The following CD244 variants were observed in gnomAD, a reference collection of about 807,000 sequenced individuals.
CD244 encodes the protein natural killer cell receptor 2B4.
Under a neutral mutation model 45.5 loss-of-function variants are expected in CD244, and 20 were observed. That is an observed-to-expected ratio of 0.44 (90% CI 0.31 to 0.64). The LOEUF (loss-of-function observed/expected upper bound fraction) is 0.64. Ranked by LOEUF, CD244 falls within the 30% of genes least tolerant of loss-of-function variation. The pLI, the probability that CD244 is intolerant of heterozygous loss-of-function variation, is 0.08. For missense variants in CD244, 407 were observed against 426.9 expected (o/e 0.95, Z 0.41); for synonymous variants, 185 against 160.5 (o/e 1.15, Z -1.15).
Position 160,843,666 on chromosome 1 carries a change from C to A in CD244, c.62-1765G>T, listed in dbSNP as rs537819419. On this transcript the variant is annotated intron_variant, in intron 1 of 8. Transcript: ENST00000368034. ...AAAATCCAGGTTAAGACATGCTAAC[C>A]AATCCTCCCACTAAAAATAGCTAGA... 6.6e-5 allele frequency among the ~76,000 whole-genome samples: 10 copies of A among 152,304 alleles called. No individual in the cohort carries two copies. In the South Asian group the frequency reaches 1.0e-3, roughly 16 times the overall value.
At chr1:160,852,624 T>C (rs1375444373) in intron 1 of CD244, among the ~76,000 whole-genome samples, 2 of 152,208 alleles carry the variant, frequency 1.3e-5, no homozygotes, top group Non-Finnish European at 2.9e-5. Context: ...TTCTCATTTA[T>C]TGCTAGTGAG....
In CD244 at chr1:160,862,645, G is replaced by T. The variant is rs374829810; in HGVS notation, c.33C>A (p.Leu11=). The change falls in exon 1 of 9, where the codon CTC becomes CTA. Residue 11 remains leucine (L), a synonymous_variant. Transcript: ENST00000368034. MLGQVVTLIL[L]LLLKVYQGKG... The stretch of plus-strand genomic sequence containing the variant: ...TGCCCTGATACACCTTGAGGAGCAG[G>T]AGGAGTATGAGGGTGACCACTTGCC... 1.9e-6 allele frequency: 3 copies of T among 1,613,998 alleles called. No homozygotes were observed. The highest frequency in any genetic ancestry group is 1.3e-5 in the African/African-American group (1 of 74,928).
At chr1:160,862,516 T>G in intron 1 of CD244, 101 bp downstream of exon 1, 1 of 1,003,952 alleles carries the variant, frequency 1.0e-6, no homozygotes, top group Non-Finnish European at 1.5e-6. Flanking sequence ...AAGTTCCAGA[T>G]GACTGTGTAT....
intron 1 of CD244, among the ~76,000 whole-genome samples, chr1:160,843,335 G>A (rs952264117): frequency 6.6e-6 from 1 of 152,116 alleles, no homozygotes; most frequent in Non-Finnish European, 1.5e-5. Flanking sequence ...TGTCTCCTAC[G>A]ATCCTAGCAC....
Position 160,841,861 on chromosome 1 carries a change from T to C in CD244, c.102A>G (p.Gly34=), listed in dbSNP as rs1478926464. The C allele has an allele frequency of 1.9e-6, 3 of 1,614,046 alleles. No individual in the cohort carries two copies. In the East Asian group the frequency reaches 6.7e-5, roughly 36 times the overall value. The change falls in exon 2 of 9, where the codon GGA becomes GGG. Residue 34 remains glycine, a synonymous_variant. Coordinates refer to ENST00000368034, the MANE Select transcript of CD244 (RefSeq NM_016382.4). ...TGTTTGGTTGTAACTGAAGAGGCAC[T>C]CCCGAGATGCTAACCACATGGTCAG... ...GSADHVVSIS[G]VPLQLQPNSI...
chr1:160,841,989 A>G (rs1159278052), intron 1 of CD244, 88 bp from the exon 2 acceptor site: 30 of 1,083,174 alleles, frequency 2.8e-5, no homozygotes, highest in Middle Eastern at 2.7e-4. Flanking sequence ...CCTTAAGCCA[A>G]TTGGGTGGGG....
intron 1 of CD244, among the ~76,000 whole-genome samples, chr1:160,852,348 G>A (rs533914429): frequency 1.1e-3 from 170 of 152,212 alleles, no homozygotes; most frequent in Middle Eastern, 3.4e-3. Flanking sequence ...CCAGGAGTTC[G>A]AGGCCAGCCT....
chr1:160,855,463 C>T (rs4656937), intron 1 of CD244, among the ~76,000 whole-genome samples: 57,258 of 152,016 alleles, frequency 0.38, 11,360 homozygotes, highest in East Asian at 0.54. Context: ...AAAGCAGATA[C>T]GGTGAAAAGG....
intron 1 of CD244, among the ~76,000 whole-genome samples, chr1:160,850,314 A>G (rs1357180355): frequency 2.6e-5 from 4 of 152,176 alleles, no homozygotes; most frequent in Non-Finnish European, 5.9e-5. Context: ...ATTGCTGAGA[A>G]AAAATTAAAG....
At chr1:160,842,642 T>C (rs182327294) in intron 1 of CD244, among the ~76,000 whole-genome samples, 1 of 152,272 alleles carries the variant, frequency 6.6e-6, no homozygotes, top group East Asian at 1.9e-4. Flanking sequence ...TAATCCTCTC[T>C]CGTGGCACTT....
intron 5 of CD244, among the ~76,000 whole-genome samples, chr1:160,838,119 A>G (rs1240759908): frequency 5.3e-5 from 8 of 152,214 alleles, no homozygotes; most frequent in Non-Finnish European, 1.5e-5. Flanking sequence ...ACTCATTAGG[A>G]AAAAGAATTT....
chr1:160,834,517 A>G (rs1183001340), intron 6 of CD244, among the ~76,000 whole-genome samples: 2 of 151,984 alleles, frequency 1.3e-5, no homozygotes, highest in African/African-American at 4.8e-5. Context: ...CATCATGCCC[A>G]GCTAATTTTT....
chr1:160,841,122 T>C (rs1350839813), intron 3 of CD244, 88 bp downstream of exon 3: 6 of 1,347,916 alleles, frequency 4.5e-6, no homozygotes, highest in Non-Finnish European at 6.2e-6. Flanking sequence ...CAAGGGATTT[T>C]ATCTCATACC....
intron 1 of CD244, among the ~76,000 whole-genome samples, chr1:160,845,549 C>T (rs1557838398): frequency 6.6e-6 from 1 of 152,124 alleles, no homozygotes. Flanking sequence ...TTACAAACCC[C>T]AAGCAAGATC....
At chr1:160,852,413 G>A (rs1238420926) in intron 1 of CD244, among the ~76,000 whole-genome samples, 3 of 151,996 alleles carry the variant, frequency 2.0e-5, no homozygotes, top group East Asian at 3.9e-4. Context: ...AGCAGAGCAC[G>A]GTGGTGGCGC....
intron 1 of CD244, among the ~76,000 whole-genome samples, chr1:160,847,322 A>G (rs1157946692): frequency 1.3e-5 from 2 of 152,032 alleles, no homozygotes; most frequent in African/African-American, 4.8e-5. Context: ...ATAAGGCTAT[A>G]AGAATTTGAA....
At chr1:160,838,860 A>G in intron 4 of CD244, 79 bp downstream of exon 4, 1 of 915,344 alleles carries the variant, frequency 1.1e-6, no homozygotes. Flanking sequence ...GCTCCCAGAC[A>G]CATCCCACTG....
chr1:160,858,098 A>G (rs1369211426), intron 1 of CD244, among the ~76,000 whole-genome samples: 2 of 151,642 alleles, frequency 1.3e-5, no homozygotes, highest in Non-Finnish European at 2.9e-5. Context: ...AAAAAAAACA[A>G]GACATGCCCT....
chr1:160,848,470 G>A (rs1557840035), intron 1 of CD244: 1 of 544,788 alleles, frequency 1.8e-6, no homozygotes, highest in Non-Finnish European at 3.6e-6. Flanking sequence ...AGACCAGCAA[G>A]AAGATCACCA....
Sources: gnomAD v4.1 joint callset for allele counts (sites outside exome capture counted in the v4.1 genomes callset) on GRCh38, gnomAD v4.1.1 for gene constraint, MANE v1.5 for transcripts, NCBI Gene and HGNC (gene_info 2026-07-23, HGNC 2026-07-21) for gene names.